The following ESRRG variants were observed in gnomAD, a reference collection of about 807,000 sequenced individuals.
The protein encoded by ESRRG is estrogen related receptor gamma, also known as estrogen-related receptor gamma.
Under a neutral mutation model 44.0 loss-of-function variants are expected in ESRRG, and 13 were observed. The observed-to-expected ratio is 0.30, with a 90% CI of 0.19 to 0.47. ESRRG has a LOEUF of 0.47. ESRRG is among the 20% of genes least tolerant of loss of function. The pLI is 1.00. For synonymous variants in ESRRG, 215 were observed against 214.6 expected, an observed-to-expected ratio of 1.00 and a Z score of -0.02; for missense variants, 395 against 580.6, an observed-to-expected ratio of 0.68 and a Z score of 3.29.
chr1:216,733,059 A>C (rs1368256429), intron 2 of ESRRG, among the ~76,000 whole-genome samples: 2 of 32,006 alleles, frequency 6.2e-5, no homozygotes, highest in Non-Finnish European at 1.4e-4. Flanking sequence ...CAGAAGCAAC[A>C]ATAATCCAAA....
intron 1 of ESRRG, among the ~76,000 whole-genome samples, chr1:217,047,013 T>G (rs1323012968): frequency 1.3e-5 from 2 of 151,972 alleles, no homozygotes; most frequent in African/African-American, 4.8e-5. Flanking sequence ...GATGTGTTAC[T>G]CAAAAAGGGA....
At chr1:217,030,190 A>G (rs144650316) in intron 1 of ESRRG, among the ~76,000 whole-genome samples, 86 of 151,994 alleles carry the variant, frequency 5.7e-4, no homozygotes, top group African/African-American at 2.0e-3. Context: ...TCTCATGGAC[A>G]TGACCATAAA....
At chr1:217,067,054 C>CA (rs2089839731) in intron 1 of ESRRG, among the ~76,000 whole-genome samples, 1 of 152,150 alleles carries the variant, frequency 6.6e-6, no homozygotes, top group African/African-American at 2.4e-5. Flanking sequence ...TTACGGTGAG[C>CA]AAAATAGTCT....
chr1:216,907,557 A>G (rs978939948), intron 2 of ESRRG, among the ~76,000 whole-genome samples: 5 of 152,154 alleles, frequency 3.3e-5, no homozygotes, highest in African/African-American at 1.2e-4. Flanking sequence ...TATCACTACT[A>G]TTGGCCTCGC....
At chr1:216,727,561 C>T (rs1028169572), upstream of ESRRG, among the ~76,000 whole-genome samples, 3 of 152,120 alleles carry the variant, frequency 2.0e-5, no homozygotes, top group Admixed American at 1.3e-4. Context: ...ACGCAGACTT[C>T]TTTCGAAGTC....
At chr1:216,660,682 T>C (rs896191352) in intron 2 of ESRRG, among the ~76,000 whole-genome samples, 1 of 152,244 alleles carries the variant, frequency 6.6e-6, no homozygotes, top group Non-Finnish European at 1.5e-5. Flanking sequence ...ATGCCTGACA[T>C]AGGAGCCTGA....
At chr1:216,792,581 A>C (rs367744106) in intron 2 of ESRRG, among the ~76,000 whole-genome samples, 1 of 152,198 alleles carries the variant, frequency 6.6e-6, no homozygotes, top group South Asian at 2.1e-4. Context: ...AAGAATGCAT[A>C]CAGGCTCTGG....
rs1179841970 is a variant in ESRRG, at chr1:216,594,453, T to C, written c.590-26355A>G. ...TGCTCAGTATTGCCATCAGCCCTAT[T>C]GCATGGCCAGGGATCTACTCTAGAG... On this transcript the variant is annotated intron_variant, in intron 3 of 6. Transcript: ENST00000408911. Among the ~76,000 whole-genome samples the C allele has an allele frequency of 3.3e-5, 5 of 152,192 alleles. No individual in the cohort carries two copies. The South Asian group carries it at 6.2e-4, about 19-fold the overall frequency.
intron 1 of ESRRG, among the ~76,000 whole-genome samples, chr1:216,689,997 T>A (rs907039697): frequency 3.9e-5 from 6 of 152,008 alleles, no homozygotes; most frequent in African/African-American, 1.4e-4. Flanking sequence ...GTGCAGCAAC[T>A]GAAAATCACA....
intron 2 of ESRRG, among the ~76,000 whole-genome samples, chr1:216,818,276 T>A (rs2095203133): frequency 6.6e-6 from 1 of 152,240 alleles, no homozygotes; most frequent in East Asian, 1.9e-4. Flanking sequence ...TAATATAATA[T>A]TGCATTTAAA....
intron 1 of ESRRG, among the ~76,000 whole-genome samples, chr1:216,981,543 A>C (rs2073972224): frequency 6.6e-6 from 1 of 152,224 alleles, no homozygotes; most frequent in African/African-American, 2.4e-5. Flanking sequence ...ATAAATGTTA[A>C]CTTTTATTAT....
chr1:216,549,196 G>C (rs2055489354), intron 5 of ESRRG, among the ~76,000 whole-genome samples: 1 of 151,998 alleles, frequency 6.6e-6, no homozygotes, highest in Non-Finnish European at 1.5e-5. Flanking sequence ...GAAAGAAAAT[G>C]AACAAAAGTG....
intron 2 of ESRRG, among the ~76,000 whole-genome samples, chr1:216,755,560 A>G (rs1456640937): frequency 6.6e-6 from 1 of 151,982 alleles, no homozygotes; most frequent in East Asian, 1.9e-4. Context: ...ATTCCTTTTT[A>G]CTCCTATTTT....
intron 3 of ESRRG, among the ~76,000 whole-genome samples, chr1:216,614,392 T>C (rs1229984004): frequency 1.3e-5 from 2 of 152,078 alleles, no homozygotes; most frequent in Non-Finnish European, 2.9e-5. Flanking sequence ...GTCAAGTCCA[T>C]TTAAGTGAAT....
chr1:217,081,310 C>T (rs565230584), intron 1 of ESRRG, among the ~76,000 whole-genome samples: 4 of 143,888 alleles, frequency 2.8e-5, no homozygotes, highest in African/African-American at 1.0e-4. Flanking sequence ...TCACCGCAAC[C>T]TCCGACTCCT....
intron 2 of ESRRG, among the ~76,000 whole-genome samples, chr1:216,732,338 G>A (rs1255248893): frequency 6.6e-6 from 1 of 151,540 alleles, no homozygotes; most frequent in Non-Finnish European, 1.5e-5. Flanking sequence ...TTGCCCAACA[G>A]CACTCAGTTT....
In ESRRG at chr1:216,893,857, A is replaced by G. The variant is rs138465491; in HGVS notation, c.-14+45725T>C. 3.8e-3 allele frequency among the ~76,000 whole-genome samples: 573 copies of G among 152,348 alleles called. 3 individuals carry two copies. The highest frequency in any genetic ancestry group is 6.3e-3 in the Non-Finnish European group (430 of 68,034). ...GGTACATTTGAAGGAAGGCTGCTTCATGATTACTAAGGGAATCGAATGCAC... is the reference window on the plus strand; with the variant it reads ...GGTACATTTGAAGGAAGGCTGCTTCGTGATTACTAAGGGAATCGAATGCAC... On this transcript the variant is annotated intron_variant, in intron 2 of 7. Coordinates refer to the ESRRG transcript ENST00000359162.
At chr1:216,902,550 A>G (rs6688971) in intron 2 of ESRRG, among the ~76,000 whole-genome samples, 78,349 of 151,864 alleles carry the variant, frequency 0.52, 20,999 homozygotes, top group East Asian at 0.78. Flanking sequence ...AAAAGAGAGG[A>G]GAGAAACCAC....
At chr1:216,781,457 A>G (rs1210884224) in intron 2 of ESRRG, among the ~76,000 whole-genome samples, 1 of 152,058 alleles carries the variant, frequency 6.6e-6, no homozygotes, top group Non-Finnish European at 1.5e-5. Context: ...TCAACATCCA[A>G]CAATGGATTT....
Sources: gnomAD v4.1 joint callset for allele counts (sites outside exome capture counted in the v4.1 genomes callset) on GRCh38, gnomAD v4.1.1 for gene constraint, MANE v1.5 for transcripts, NCBI Gene and HGNC (gene_info 2026-07-23, HGNC 2026-07-21) for gene names.